Variants in NKD1 observed in about 807,000 individuals in gnomAD.
NKD1 encodes protein naked cuticle homolog 1.
Under a neutral mutation model 56.0 loss-of-function variants are expected in NKD1, and 21 were observed. That is an observed-to-expected ratio of 0.38 (90% CI 0.27 to 0.54). The LOEUF is 0.54. Ranked by LOEUF, NKD1 falls within the 20% of genes least tolerant of loss-of-function variation. The pLI is 0.82. For synonymous variants in NKD1, 263 were observed against 265.7 expected, an observed-to-expected ratio of 0.99 and a Z score of 0.10; for missense variants, 578 against 642.7, an observed-to-expected ratio of 0.90 and a Z score of 1.09.
chr16:50,608,515 G>A, intron 4 of NKD1, 155 bp downstream of exon 4: 1 of 675,622 alleles, frequency 1.5e-6, no homozygotes, highest in South Asian at 1.6e-5. Flanking sequence ...AGGGTGGGAT[G>A]GAGGAGAGGA....
At chr16:50,571,534 C>G (rs1007964227) in intron 3 of NKD1, 1 of 985,256 alleles carries the variant, frequency 1.0e-6, no homozygotes, top group Admixed American at 6.1e-5. Context: ...ATCTGCGCTC[C>G]CAGCCTCCCA....
intron 3 of NKD1, among the ~76,000 whole-genome samples, chr16:50,596,976 C>T (rs1423151744): frequency 2.0e-5 from 3 of 151,582 alleles, no homozygotes; most frequent in Non-Finnish European, 4.4e-5. Context: ...TGGCTGTGGG[C>T]GAGCGGGTGA....
intron 3 of NKD1, chr16:50,575,420 G>A: frequency 2.3e-6 from 2 of 861,672 alleles, no homozygotes; most frequent in Non-Finnish European, 2.8e-6. Context: ...GAACAAATGG[G>A]GTTGTCTGTG....
intron 3 of NKD1, among the ~76,000 whole-genome samples, chr16:50,565,880 A>G (rs1437305185): frequency 1.3e-5 from 2 of 152,318 alleles, no homozygotes; most frequent in Admixed American, 6.5e-5. Flanking sequence ...TGTTATAAGG[A>G]TAGACCATCA....
intron 3 of NKD1, among the ~76,000 whole-genome samples, chr16:50,605,185 T>C (rs1596736268): frequency 6.6e-6 from 1 of 152,188 alleles, no homozygotes; most frequent in Non-Finnish European, 1.5e-5. Flanking sequence ...TGCAGGGCTG[T>C]GGGGAGGCCA....
intron 3 of NKD1, among the ~76,000 whole-genome samples, chr16:50,554,415 C>CA (rs1960456325): frequency 6.6e-6 from 1 of 151,830 alleles, no homozygotes; most frequent in African/African-American, 2.4e-5. Context: ...CTGTCAGCAG[C>CA]AAAAAAAGAA....
chr16:50,575,025 A>G (rs912694174), intron 3 of NKD1: 16 of 985,134 alleles, frequency 1.6e-5, no homozygotes, highest in South Asian at 1.4e-4. Flanking sequence ...CTTGAATACA[A>G]TAGTAACTTC....
rs532224616 is a variant in NKD1 at position 50,562,995 on chromosome 16, C to A, written c.192+13440C>A. Reference sequence around the variant, plus strand: ...GCTAGGTCCCACCACCACCCCCCCCCCCCGCCGTAGAATGGGTAGAAGAAG... The same window carrying A: ...GCTAGGTCCCACCACCACCCCCCCCACCCGCCGTAGAATGGGTAGAAGAAG... On this transcript the variant is annotated intron_variant, in intron 3 of 9. Transcript: ENST00000268459. Among the ~76,000 whole-genome samples the A allele has an allele frequency of 2.7e-3, 363 of 132,398 alleles. 12 individuals carry two copies. The highest frequency in any genetic ancestry group is 0.011 in the African/African-American group (331 of 31,352). 86.9% of individuals were successfully genotyped at this position (132,398 alleles called of 152,430 possible).
At chr16:50,568,447 G>A (rs1960810981) in intron 3 of NKD1, among the ~76,000 whole-genome samples, 1 of 152,200 alleles carries the variant, frequency 6.6e-6, no homozygotes, top group Non-Finnish European at 1.5e-5. Flanking sequence ...TTGTAAACTG[G>A]GGATAACAGC....
chr16:50,574,681 T>G, intron 3 of NKD1: 1 of 985,400 alleles, frequency 1.0e-6, no homozygotes, highest in Non-Finnish European at 1.2e-6. Context: ...CCTCCTTGCC[T>G]CGTTGTCGTC....
chr16:50,616,031 C>T (rs1316317571), intron 4 of NKD1: 4 of 453,238 alleles, frequency 8.8e-6, no homozygotes, highest in South Asian at 1.6e-5. Context: ...TAAAATTCAT[C>T]TGCATTCCCT....
chr16:50,573,483 A>G (rs1960929286), intron 3 of NKD1, among the ~76,000 whole-genome samples: 2 of 152,210 alleles, frequency 1.3e-5, no homozygotes, highest in African/African-American at 4.8e-5. Flanking sequence ...CTGCGGGGAA[A>G]GAGCCAGCAA....
At position 50,644,645 on chromosome 16, in the gene NKD1, ACT is replaced by A. The variant is rs1010935096; in HGVS notation, c.*10867_*10868del. 3 of 152,142 alleles carry A rather than the reference ACT, an allele frequency of 2.0e-5. No individual in the cohort carries two copies. The highest frequency in any genetic ancestry group is 7.2e-5 in the African/African-American group (3 of 41,426). The allele number at this position is 152,142 out of a possible 1,614,324, so 9.4% of individuals were successfully genotyped here. A position where few individuals can be genotyped will look rare whatever the true frequency, so the allele number is the denominator to read the frequency against. On this transcript the variant is annotated 3_prime_UTR_variant, in exon 10 of 10. Coordinates refer to ENST00000268459, the MANE Select transcript of NKD1 (RefSeq NM_033119.5). Reference sequence around the variant, plus strand: ...CATCTAGGTACTGGGGCCCAGGGTGACTCTGAGTGGCTCAAGTCCCCTGGCCA... The same window carrying A: ...CATCTAGGTACTGGGGCCCAGGGTGACTGAGTGGCTCAAGTCCCCTGGCCA...
intron 4 of NKD1, among the ~76,000 whole-genome samples, chr16:50,619,643 C>CT (rs1962041629): frequency 6.6e-6 from 1 of 152,338 alleles, no homozygotes; most frequent in Non-Finnish European, 1.5e-5. Context: ...CTGACTGTTA[C>CT]TACTTATGGC....
chr16:50,612,372 A>C (rs1378365062), intron 4 of NKD1, among the ~76,000 whole-genome samples: 1 of 152,204 alleles, frequency 6.6e-6, no homozygotes, highest in Non-Finnish European at 1.5e-5. Context: ...GTCACACAGC[A>C]GACTGAGAAC....
intron 3 of NKD1, among the ~76,000 whole-genome samples, chr16:50,567,271 A>G (rs1039994886): frequency 6.6e-6 from 1 of 152,196 alleles, no homozygotes; most frequent in African/African-American, 2.4e-5. Context: ...CAGCAGATGT[A>G]CTCAGTAGCC....
rs1178162156 is a variant in NKD1, at chr16:50,625,591, C to T, written c.462+11C>T. On this transcript the variant is annotated intron_variant, in intron 6 of 9. Coordinates refer to ENST00000268459, the MANE Select transcript of NKD1 (RefSeq NM_033119.5). ...AAGGTCACCCGAGAGGTGAGTGCACCTGCCTGGCCTCTTGCCGTGTATCAT... is the reference window on the plus strand; with the variant it reads ...AAGGTCACCCGAGAGGTGAGTGCACTTGCCTGGCCTCTTGCCGTGTATCAT... 3 of 1,570,970 alleles carry T rather than the reference C, an allele frequency of 1.9e-6. No homozygotes were observed. Among genetic ancestry groups the T allele is most frequent in the Non-Finnish European group, 2.6e-6 (3 of 1,141,052 alleles).
In NKD1 at chr16:50,632,240, G is replaced by T. The variant is rs201562889; in HGVS notation, c.696-41G>T. On this transcript the variant is annotated intron_variant, in intron 8 of 9. Coordinates refer to ENST00000268459, the MANE Select transcript of NKD1 (RefSeq NM_033119.5). This position sits in a 1 kb window ranked among gnomAD's most constrained non-coding sequence, Gnocchi z 4.1. ...TAGCCTATGCGCTTGCCCCCACCTG[G>T]TGGTTGGTGTTATCCCACTCACTTG... The T allele has an allele frequency of 7.2e-5, 116 of 1,609,810 alleles. No individual in the cohort carries two copies. The highest frequency in any genetic ancestry group is 8.5e-5 in the Non-Finnish European group (100 of 1,176,876).
At chr16:50,610,220 G>T (rs1468833657) in intron 4 of NKD1, among the ~76,000 whole-genome samples, 2 of 152,182 alleles carry the variant, frequency 1.3e-5, no homozygotes, top group Non-Finnish European at 2.9e-5. Flanking sequence ...CCACAATTAT[G>T]TATTCCTTAT....
Sources: gnomAD v4.1 joint callset for allele counts (sites outside exome capture counted in the v4.1 genomes callset) on GRCh38, gnomAD v4.1.1 for gene constraint, Gnocchi (gnomAD v3.1) non-coding constraint, MANE v1.5 for transcripts, NCBI Gene and HGNC (gene_info 2026-07-23, HGNC 2026-07-21) for gene names.